Variants in LDLRAP1 observed in about 807,000 individuals in gnomAD.
LDLRAP1 encodes the protein low density lipoprotein receptor adaptor protein 1.
Under a neutral mutation model 37.8 loss-of-function variants are expected in LDLRAP1, and 30 were observed. The ratio of observed to expected loss-of-function variants is 0.79; its 90% CI spans 0.59 to 1.08. LDLRAP1 has a LOEUF of 1.08. LDLRAP1 is among the 50% of genes least tolerant of loss of function. The probability of loss-of-function intolerance (pLI) is 0.00; values close to 1 mark genes in which losing one functional copy is unlikely to be tolerated. For missense variants in LDLRAP1, 375 were observed against 401.6 expected, an observed-to-expected ratio of 0.93 and a Z score of 0.57; for synonymous variants, 156 against 169.8, an observed-to-expected ratio of 0.92 and a Z score of 0.63.
At chr1:25,585,471 G>A in the LDLRAP1 span, among the ~76,000 whole-genome samples, 3 of 152,092 alleles carry the variant, frequency 2.0e-5, no homozygotes, top group Non-Finnish European at 4.4e-5. Flanking sequence ...GACTACAGGT[G>A]CCTGCCACCA....
chr1:25,569,342 G>A (rs1247688858), downstream of LDLRAP1, among the ~76,000 whole-genome samples: 1 of 152,152 alleles, frequency 6.6e-6, no homozygotes, highest in Admixed American at 6.5e-5. Context: ...TCTCAGTACT[G>A]GGGACAGGGG....
chr1:25,564,469 C>T (rs529607592), intron 7 of LDLRAP1: 2 of 156,342 alleles, frequency 1.3e-5, no homozygotes, highest in East Asian at 3.8e-4. Flanking sequence ...AGAACTTACA[C>T]ATTTCTCCAG....
Position 25,565,166 on chromosome 1 carries a change from C to T in LDLRAP1, c.748-7C>T, listed in dbSNP as rs760539139. 1 of 1,613,978 alleles carries T rather than the reference C, an allele frequency of 6.2e-7. No individual in the cohort carries two copies. The highest frequency in any genetic ancestry group is 1.3e-5 in the African/African-American group (1 of 74,940). ...TAGTTCTTATCTCCTGCTTTGTTTTCCCCAAGGAGCTGGATGATGGCCTGG... is the reference window on the plus strand; with the variant it reads ...TAGTTCTTATCTCCTGCTTTGTTTTTCCCAAGGAGCTGGATGATGGCCTGG... On this transcript the variant is annotated splice_polypyrimidine_tract_variant and splice_region_variant and intron_variant, in intron 7 of 8. Transcript: ENST00000374338.
chr1:25,560,220 A>G (rs1234277067), intron 4 of LDLRAP1, among the ~76,000 whole-genome samples: 1 of 152,154 alleles, frequency 6.6e-6, no homozygotes, highest in Non-Finnish European at 1.5e-5. Flanking sequence ...AGGGCCTTGA[A>G]TCAGGATGTT....
rs1251837386 is a variant in LDLRAP1 at position 25,544,667 on chromosome 1, G to A, written c.88+881G>A. Among the ~76,000 whole-genome samples, 1 of 152,088 alleles carries A rather than the reference G, an allele frequency of 6.6e-6. No homozygotes were observed. Among genetic ancestry groups the A allele is most frequent in the Non-Finnish European group, 1.5e-5 (1 of 68,018 alleles). On this transcript the variant is annotated intron_variant, in intron 1 of 8. Transcript: ENST00000374338. This position sits in a 1 kb window ranked among gnomAD's most constrained non-coding sequence, Gnocchi z 4.8. ...CTGGCACCTTCCCCTGAAGCCAGAA[G>A]ACCCAGCCTAGCGCAGGTCTCGTTG...
At chr1:25,578,843 A>G in the LDLRAP1 span, among the ~76,000 whole-genome samples, 3 of 152,192 alleles carry the variant, frequency 2.0e-5, no homozygotes, top group East Asian at 5.8e-4. Flanking sequence ...TTTAAAGAAT[A>G]TAGTGACTCA....
At chr1:25,586,509 CAT>C in the LDLRAP1 span, among the ~76,000 whole-genome samples, 3 of 151,784 alleles carry the variant, frequency 2.0e-5, no homozygotes, top group African/African-American at 4.8e-5. This position sits in a 1 kb window ranked among gnomAD's most constrained non-coding sequence, Gnocchi z 4.3. Flanking sequence ...TGTGCATGCA[CAT>C]GTGTGTGTGC....
intron 4 of LDLRAP1, among the ~76,000 whole-genome samples, chr1:25,559,998 C>T (rs1360227007): frequency 2.6e-5 from 4 of 151,868 alleles, no homozygotes; most frequent in African/African-American, 7.3e-5. Context: ...AGTGAGACTT[C>T]CCTGAGACAG....
the LDLRAP1 span, among the ~76,000 whole-genome samples, chr1:25,575,121 G>A: frequency 1.6e-3 from 238 of 152,266 alleles, 1 homozygote; most frequent in Non-Finnish European, 1.3e-3. Flanking sequence ...TCTTCGGGCC[G>A]CAAGGCTGGA....
downstream of LDLRAP1, among the ~76,000 whole-genome samples, chr1:25,569,279 A>G (rs2044567802): frequency 6.6e-6 from 1 of 152,160 alleles, no homozygotes; most frequent in Admixed American, 6.5e-5. Flanking sequence ...TGGATCCGCA[A>G]CACTTTATCA....
chr1:25,582,893 GA>G, the LDLRAP1 span, among the ~76,000 whole-genome samples: 2 of 151,972 alleles, frequency 1.3e-5, no homozygotes, highest in Admixed American at 1.3e-4. Context: ...GCAACATGGT[GA>G]AACCCCGTCT....
intron 6 of LDLRAP1, among the ~76,000 whole-genome samples, 161 bp downstream of exon 6, chr1:25,563,314 A>G (rs2044391876): frequency 6.6e-6 from 1 of 152,230 alleles, no homozygotes; most frequent in Non-Finnish European, 1.5e-5. Flanking sequence ...TAGAAAATGT[A>G]GATAAGGGGA....
intron 8 of LDLRAP1, among the ~76,000 whole-genome samples, chr1:25,566,546 G>A (rs1456418136): frequency 8.5e-6 from 1 of 117,772 alleles, no homozygotes. Flanking sequence ...CCCCACCCCC[G>A]CTGCTCCCTT....
At chr1:25,577,100 G>T in the LDLRAP1 span, among the ~76,000 whole-genome samples, 1 of 152,208 alleles carries the variant, frequency 6.6e-6, no homozygotes, top group African/African-American at 2.4e-5. Flanking sequence ...TGCCATCCCC[G>T]CATTCACCTC....
chr1:25,585,604 C>A, the LDLRAP1 span, among the ~76,000 whole-genome samples: 2 of 152,234 alleles, frequency 1.3e-5, no homozygotes, highest in South Asian at 4.1e-4. Flanking sequence ...GGATTACAGG[C>A]GTGAGCCACT....
chr1:25,569,197 G>A (rs1176147454), downstream of LDLRAP1, among the ~76,000 whole-genome samples: 1 of 152,250 alleles, frequency 6.6e-6, no homozygotes, highest in African/African-American at 2.4e-5. Context: ...CCCCTGCAGT[G>A]TGCATGAGGT....
intron 5 of LDLRAP1, 140 bp from the exon 6 acceptor site, chr1:25,562,930 C>T (rs1324130776): frequency 3.3e-6 from 3 of 901,802 alleles, no homozygotes; most frequent in Middle Eastern, 4.3e-4. Flanking sequence ...TAACTGACAT[C>T]CGAAAGGTTT....
chr1:25,567,470 C>T lies in LDLRAP1; in HGVS notation c.*478C>T, dbSNP rs370958045. The T allele has an allele frequency of 1.3e-3, 364 of 282,342 alleles. 1 individual carries two copies. The highest frequency in any genetic ancestry group is 0.012 in the Middle Eastern group (9 of 762). The allele number at this position is 282,342 out of a possible 1,614,324, so 17.5% of individuals were successfully genotyped here. A position where few individuals can be genotyped will look rare whatever the true frequency, so the allele number is the denominator to read the frequency against. ...CCCACCCCCCAGCACAGGAGAGCAC[C>T]CACAGCCGCAGAAGGGGAATGTGTC... On this transcript the variant is annotated 3_prime_UTR_variant, in exon 9 of 9. Transcript: ENST00000374338.
At chr1:25,546,710 A>G (rs147737361) in intron 1 of LDLRAP1, among the ~76,000 whole-genome samples, 19 of 152,328 alleles carry the variant, frequency 1.2e-4, no homozygotes, top group Middle Eastern at 6.8e-3. Flanking sequence ...CAGTAAAGCT[A>G]GTTCATGGTG....
Sources: allele counts gnomAD v4.1 joint callset (sites outside exome capture counted in the v4.1 genomes callset), GRCh38; gene constraint gnomAD v4.1.1; non-coding constraint Gnocchi (gnomAD v3.1); transcripts MANE v1.5; gene names NCBI Gene and HGNC (gene_info 2026-07-23, HGNC 2026-07-21).